The following FNIP1 variants were observed in gnomAD, a reference collection of about 807,000 sequenced individuals.
The protein encoded by FNIP1 is folliculin interacting protein 1.
FNIP1 carries 40 observed loss-of-function variants against 124.5 expected under a neutral mutation model. That is an observed-to-expected ratio of 0.32 (90% CI 0.25 to 0.42). The LOEUF is 0.42. Among genes scored for constraint, FNIP1 ranks in the 10% least tolerant of loss-of-function variants. The pLI, the probability that FNIP1 is intolerant of heterozygous loss-of-function variation, is 1.00. For synonymous variants in FNIP1, 472 were observed against 470.6 expected (o/e 1.00, Z -0.04); for missense variants, 1,176 against 1,403.7 (o/e 0.84, Z 2.59).
intron 15 of FNIP1, among the ~76,000 whole-genome samples, chr5:131,659,924 T>C (rs549372779): frequency 1.3e-5 from 2 of 152,322 alleles, no homozygotes; most frequent in Admixed American, 6.5e-5. Flanking sequence ...TTCAGGGTCA[T>C]GATACCTCTC....
chr5:131,697,627 G>A (rs967036963), intron 11 of FNIP1, among the ~76,000 whole-genome samples: 2 of 151,994 alleles, frequency 1.3e-5, no homozygotes, highest in African/African-American at 4.8e-5. Context: ...AAATTGTTAA[G>A]ATATGATGTA....
chr5:131,722,017 T>C (rs1412490579), intron 3 of FNIP1, among the ~76,000 whole-genome samples: 1 of 152,202 alleles, frequency 6.6e-6, no homozygotes, highest in Admixed American at 6.5e-5. Context: ...GGCAGTAATG[T>C]GCACAAATGA....
At chr5:131,707,655 T>G (rs1196624445) in intron 8 of FNIP1, among the ~76,000 whole-genome samples, 1 of 152,154 alleles carries the variant, frequency 6.6e-6, no homozygotes, top group Non-Finnish European at 1.5e-5. Context: ...AGTCCAAGAT[T>G]GGGTATGTAC....
chr5:131,710,544 A>G, intron 7 of FNIP1, 34 bp downstream of exon 7: 1 of 1,600,510 alleles, frequency 6.2e-7, no homozygotes, highest in Non-Finnish European at 8.5e-7. Flanking sequence ...GTTGGGGCAC[A>G]CCAACTAGTC....
chr5:131,784,057 C>T (rs529449612), intron 1 of FNIP1, among the ~76,000 whole-genome samples: 4 of 151,216 alleles, frequency 2.6e-5, no homozygotes, highest in Admixed American at 1.3e-4. Flanking sequence ...ATTCCCAAGA[C>T]AAGACAAAGG....
At chr5:131,727,879 CA>C (rs1160195874) in intron 3 of FNIP1, among the ~76,000 whole-genome samples, 52 of 152,200 alleles carry the variant, frequency 3.4e-4, no homozygotes, top group Non-Finnish European at 1.5e-5. Context: ...CTGATGGTGA[CA>C]AAGTCTCTCA....
chr5:131,788,268 T>C (rs1464588113), intron 1 of FNIP1, among the ~76,000 whole-genome samples: 1 of 152,104 alleles, frequency 6.6e-6, no homozygotes, highest in Non-Finnish European at 1.5e-5. Context: ...AGAGAGTAGA[T>C]TAGGACTCCT....
chr5:131,759,004 C>G (rs1315573013), intron 1 of FNIP1, among the ~76,000 whole-genome samples: 1 of 151,562 alleles, frequency 6.6e-6, no homozygotes, highest in African/African-American at 2.4e-5. Flanking sequence ...TGGTGCTTAA[C>G]AAAAAAGGGT....
intron 16 of FNIP1, among the ~76,000 whole-genome samples, chr5:131,650,784 C>T (rs1324520763): frequency 6.6e-6 from 1 of 152,144 alleles, no homozygotes; most frequent in African/African-American, 2.4e-5. Context: ...TCTTGAACTA[C>T]AGAGCTTTTT....
At chr5:131,694,691 A>T (rs527858908) in intron 11 of FNIP1, among the ~76,000 whole-genome samples, 1 of 152,342 alleles carries the variant, frequency 6.6e-6, no homozygotes, top group Admixed American at 6.5e-5. Context: ...CATACATTTA[A>T]TAAAAACCAT....
chr5:131,777,900 T>C (rs1282851148), intron 1 of FNIP1, among the ~76,000 whole-genome samples: 1 of 152,188 alleles, frequency 6.6e-6, no homozygotes, highest in East Asian at 1.9e-4. Flanking sequence ...TGCTAAAGTT[T>C]GAGCATCACT....
chr5:131,689,265 A>T (rs1768394691), intron 11 of FNIP1, among the ~76,000 whole-genome samples: 2 of 152,168 alleles, frequency 1.3e-5, no homozygotes, highest in Admixed American at 1.3e-4. Flanking sequence ...ACTTCCTCAG[A>T]CCAAAACTGA....
chr5:131,786,113 T>C (rs189029955), intron 1 of FNIP1, among the ~76,000 whole-genome samples: 8 of 152,332 alleles, frequency 5.3e-5, no homozygotes, highest in Admixed American at 3.3e-4. Context: ...TCTGCTTAAA[T>C]TGCTCATTGA....
chr5:131,752,142 C>T (rs889787844), intron 1 of FNIP1, among the ~76,000 whole-genome samples: 5 of 151,994 alleles, frequency 3.3e-5, no homozygotes, highest in African/African-American at 4.8e-5. Flanking sequence ...CTCTCCGGTT[C>T]GCGCCATTCT....
At chr5:131,750,770 G>A (rs1398334849) in intron 1 of FNIP1, among the ~76,000 whole-genome samples, 2 of 151,950 alleles carry the variant, frequency 1.3e-5, no homozygotes, top group African/African-American at 2.4e-5. Flanking sequence ...GTGCCACCAC[G>A]CCCAGCTAGT....
intron 2 of FNIP1, 37 bp downstream of exon 2, chr5:131,744,527 A>T (rs769032762): frequency 5.7e-6 from 9 of 1,565,874 alleles, no homozygotes; most frequent in Non-Finnish European, 4.3e-6. Flanking sequence ...CAAAATGTTC[A>T]ACATTAAAAG....
At chr5:131,748,709 G>GAAAAAAAAAAAAAAAAAAAAAAAAAAAA (rs1189333248) in intron 1 of FNIP1, among the ~76,000 whole-genome samples, 2 of 97,860 alleles carry the variant, frequency 2.0e-5, no homozygotes, top group Admixed American at 1.1e-4. Flanking sequence ...AAAAAAAAAA[G>GAAAAAAAAAAAAAAAAAAAAAAAAAAAA]AAAAAAAAAA....
chr5:131,711,818 A>G (rs895886773), intron 6 of FNIP1, among the ~76,000 whole-genome samples: 1 of 152,228 alleles, frequency 6.6e-6, no homozygotes, highest in African/African-American at 2.4e-5. Context: ...CAAATTGCTA[A>G]CAGATATTAT....
rs889520422 is a variant in FNIP1 at position 131,643,213 on chromosome 5, T to G, written c.*1472A>C. 6.6e-6 allele frequency: 1 copy of G among 152,298 alleles called. No homozygotes were observed. The highest frequency in any genetic ancestry group is 2.4e-5 in the African/African-American group (1 of 41,432). The allele number at this position is 152,298 out of a possible 1,614,324, so 9.4% of individuals were successfully genotyped here. Reference sequence around the variant, plus strand: ...TGAATACATACACAGCAAGGCAAAATGTGACCCAATGCTGTAAATTCAAGG... The same window carrying G: ...TGAATACATACACAGCAAGGCAAAAGGTGACCCAATGCTGTAAATTCAAGG... On this transcript the variant is annotated 3_prime_UTR_variant, in exon 18 of 18. Transcript: ENST00000510461.
Sources: gnomAD v4.1 joint callset for allele counts (sites outside exome capture counted in the v4.1 genomes callset) on GRCh38, gnomAD v4.1.1 for gene constraint, MANE v1.5 for transcripts, NCBI Gene and HGNC (gene_info 2026-07-23, HGNC 2026-07-21) for gene names.